Variants in NCK1 observed in about 807,000 individuals in gnomAD.
NCK1 encodes the protein NCK adaptor protein 1.
A neutral mutation model predicts 36.6 loss-of-function variants in NCK1; 19 were observed. The ratio of observed to expected loss-of-function variants is 0.52; its 90% CI spans 0.36 to 0.76. The LOEUF (loss-of-function observed/expected upper bound fraction) is 0.76. Among genes scored for constraint, NCK1 ranks in the 30% least tolerant of loss-of-function variants. The probability of loss-of-function intolerance (pLI) is 0.00; values close to 1 mark genes in which losing one functional copy is unlikely to be tolerated. For synonymous variants in NCK1, 165 were observed against 156.0 expected (o/e 1.06, Z -0.43); for missense variants, 358 against 445.6 (o/e 0.80, Z 1.77).
chr3:136,928,478 CCTT>C, intron 2 of NCK1: 1 of 439,332 alleles, frequency 2.3e-6, no homozygotes, highest in East Asian at 3.8e-5. Context: ...CTAACTCTCA[CCTT>C]CTAGCAGGGG....
intron 2 of NCK1, among the ~76,000 whole-genome samples, chr3:136,932,105 C>T (rs1007825399): frequency 6.6e-5 from 9 of 136,232 alleles, no homozygotes; most frequent in Non-Finnish European, 1.4e-4. Context: ...GGCAACAGAG[C>T]GAGACTCCAT....
intron 1 of NCK1, among the ~76,000 whole-genome samples, chr3:136,892,422 AGTG>A (rs1292981559): frequency 6.6e-6 from 1 of 152,206 alleles, no homozygotes; most frequent in African/African-American, 2.4e-5. Context: ...GGATTATCTG[AGTG>A]GGCTCTGGTA....
In NCK1 at chr3:136,949,018, T is replaced by C. The variant is rs1940903747; in HGVS notation, c.*565T>C. On this transcript the variant is annotated 3_prime_UTR_variant, in exon 4 of 4. Coordinates refer to ENST00000481752, the MANE Select transcript of NCK1 (RefSeq NM_001291999.2). ...GTCTGCCATAATTTTTAAAAATACATTCATTGTCTTCAGTCATACAGCAAG... is the reference window on the plus strand; with the variant it reads ...GTCTGCCATAATTTTTAAAAATACACTCATTGTCTTCAGTCATACAGCAAG... The C allele has an allele frequency of 6.6e-6, 1 of 152,478 alleles. No individual in the cohort carries two copies. The highest frequency in any genetic ancestry group is 6.6e-5 in the Admixed American group (1 of 15,256). 9.4% of individuals were successfully genotyped at this position (152,478 alleles called of 1,614,324 possible). A position where few individuals can be genotyped will look rare whatever the true frequency, so the allele number is the denominator to read the frequency against.
intron 2 of NCK1, among the ~76,000 whole-genome samples, chr3:136,931,442 G>A (rs1940388188): frequency 6.6e-6 from 1 of 152,166 alleles, no homozygotes; most frequent in Admixed American, 6.5e-5. Context: ...AAAGGAATAA[G>A]CACTTTGTTG....
intron 2 of NCK1, among the ~76,000 whole-genome samples, chr3:136,935,153 G>A (rs1279428866): frequency 6.6e-6 from 1 of 152,000 alleles, no homozygotes; most frequent in African/African-American, 2.4e-5. Context: ...TGCCTGCCTC[G>A]GCCTCCCAAA....
chr3:136,897,083 T>G (rs1939409709), intron 1 of NCK1, among the ~76,000 whole-genome samples: 1 of 152,066 alleles, frequency 6.6e-6, no homozygotes, highest in Admixed American at 6.6e-5. Flanking sequence ...TTTTCTTTTG[T>G]TTTACTTTTA....
chr3:136,919,297 A>T (rs948659280), intron 1 of NCK1, among the ~76,000 whole-genome samples: 4 of 152,166 alleles, frequency 2.6e-5, no homozygotes, highest in Non-Finnish European at 4.4e-5. Flanking sequence ...TAACTCTTAA[A>T]TGTTTGTCAA....
At chr3:136,886,699 A>G (rs1939081758) in intron 1 of NCK1, among the ~76,000 whole-genome samples, 1 of 152,122 alleles carries the variant, frequency 6.6e-6, no homozygotes, top group Admixed American at 6.5e-5. Context: ...ACACAAAGGA[A>G]ACTTTCTTGT....
chr3:136,891,203 G>A (rs992096575), intron 1 of NCK1, among the ~76,000 whole-genome samples: 10 of 152,140 alleles, frequency 6.6e-5, no homozygotes, highest in East Asian at 3.9e-4. Flanking sequence ...GCACGATCTC[G>A]GCTCATTTGC....
At chr3:136,914,731 T>G (rs1053166081) in intron 1 of NCK1, among the ~76,000 whole-genome samples, 3 of 152,214 alleles carry the variant, frequency 2.0e-5, no homozygotes, top group African/African-American at 4.8e-5. Context: ...CAGAAGATAT[T>G]GGGACTTGAA....
At chr3:136,882,972 G>A (rs1188498379) in intron 1 of NCK1, among the ~76,000 whole-genome samples, 4 of 152,178 alleles carry the variant, frequency 2.6e-5, no homozygotes, top group African/African-American at 4.8e-5. Context: ...AGGCTGGAGT[G>A]CAGTGGTGTG....
At chr3:136,942,680 G>A (rs1342084708) in intron 2 of NCK1, among the ~76,000 whole-genome samples, 3 of 152,132 alleles carry the variant, frequency 2.0e-5, no homozygotes, top group African/African-American at 7.2e-5. Context: ...ATCCAGCCCT[G>A]GCCATGTGCA....
chr3:136,915,344 T>C (rs1465905150), intron 1 of NCK1, among the ~76,000 whole-genome samples: 1 of 152,224 alleles, frequency 6.6e-6, no homozygotes, highest in Non-Finnish European at 1.5e-5. Context: ...TTTATGGTGG[T>C]ACTTTTTCTT....
chr3:136,880,356 T>G (rs1938896208), intron 1 of NCK1, among the ~76,000 whole-genome samples: 1 of 151,940 alleles, frequency 6.6e-6, no homozygotes. Context: ...AAAATGAGGT[T>G]ATTAGGGTGG....
At chr3:136,944,894 A>G (rs62408869) in intron 2 of NCK1, among the ~76,000 whole-genome samples, 4 of 152,236 alleles carry the variant, frequency 2.6e-5, no homozygotes, top group East Asian at 1.9e-4. Flanking sequence ...CTTTCAACAC[A>G]TATGTGTTAA....
intron 1 of NCK1, among the ~76,000 whole-genome samples, chr3:136,871,129 G>A (rs1313647459): frequency 6.6e-6 from 1 of 151,862 alleles, no homozygotes; most frequent in East Asian, 1.9e-4. Flanking sequence ...GGGCATGGTG[G>A]CTTATGCTTG....
At chr3:136,929,765 T>C (rs1965106) in intron 2 of NCK1, among the ~76,000 whole-genome samples, 103,586 of 152,046 alleles carry the variant, frequency 0.68, 35,590 homozygotes, top group East Asian at 0.87. Flanking sequence ...TTAGAGTGAA[T>C]GTGACAGTAA....
At chr3:136,945,480 A>G (rs924408333) in intron 2 of NCK1, 103 bp from the exon 3 acceptor site, 26 of 781,884 alleles carry the variant, frequency 3.3e-5, no homozygotes, top group Non-Finnish European at 5.1e-5. Flanking sequence ...AGCTTTAAAG[A>G]TCTATATAGA....
rs146338869 is a variant in NCK1 at position 136,918,988 on chromosome 3, A to G, written c.-18-8996A>G. Reference sequence around the variant, plus strand: ...TTGAAATTTATAAAGTTCTCATTAAATAAATGATGGTTCGTCCGTACAATG... The same window carrying G: ...TTGAAATTTATAAAGTTCTCATTAAGTAAATGATGGTTCGTCCGTACAATG... On this transcript the variant is annotated intron_variant, in intron 1 of 3. Coordinates refer to ENST00000481752, the MANE Select transcript of NCK1 (RefSeq NM_001291999.2). 2.5e-3 allele frequency among the ~76,000 whole-genome samples: 383 copies of G among 152,356 alleles called. 1 individual carries two copies. The highest frequency in any genetic ancestry group is 8.6e-3 in the African/African-American group (357 of 41,592).
Sources: gnomAD v4.1 joint callset for allele counts (sites outside exome capture counted in the v4.1 genomes callset) on GRCh38, gnomAD v4.1.1 for gene constraint, MANE v1.5 for transcripts, NCBI Gene and HGNC (gene_info 2026-07-23, HGNC 2026-07-21) for gene names.